Variants in XKR6 observed in about 807,000 individuals in gnomAD.
XKR6 encodes the protein XK-related protein 6.
Under a neutral mutation model 56.7 loss-of-function variants are expected in XKR6, and 22 were observed. That is an observed-to-expected ratio of 0.39 (90% CI 0.28 to 0.55). The LOEUF (loss-of-function observed/expected upper bound fraction) is 0.55. XKR6 is among the 20% of genes least tolerant of loss of function. The pLI is 0.66. For missense variants in XKR6, 852 were observed against 889.0 expected (o/e 0.96, Z 0.53); for synonymous variants, 524 against 387.8 (o/e 1.35, Z -4.13).
rs796105820 is a variant in XKR6 at position 11,108,306 on chromosome 8, T to C, written c.764+92270A>G. On this transcript the variant is annotated intron_variant, in intron 1 of 2. Transcript: ENST00000416569. ...ATTTTCCTGAAAATCTGCTGCAGATTTAAGTGTTATGAAACAACAGAATCC... is the reference window on the plus strand; with the variant it reads ...ATTTTCCTGAAAATCTGCTGCAGATCTAAGTGTTATGAAACAACAGAATCC... 3.9e-5 allele frequency: 18 copies of C among 456,216 alleles called. 2 individuals carry two copies. Among genetic ancestry groups the C allele is most frequent in the African/African-American group, 3.6e-4 (18 of 50,184 alleles). 28.3% of individuals were successfully genotyped at this position (456,216 alleles called of 1,614,324 possible).
At chr8:10,969,799 G>A (rs1226631774) in intron 1 of XKR6, among the ~76,000 whole-genome samples, 3 of 152,246 alleles carry the variant, frequency 2.0e-5, no homozygotes, top group Admixed American at 6.5e-5. Flanking sequence ...GGAAGAAGCT[G>A]ATGTCCCAAG....
intron 1 of XKR6, among the ~76,000 whole-genome samples, chr8:11,027,493 C>T (rs1420704928): frequency 6.6e-6 from 1 of 152,224 alleles, no homozygotes; most frequent in Non-Finnish European, 1.5e-5. Flanking sequence ...TTCGTTTCGT[C>T]ATTTAATTCT....
intron 2 of XKR6, among the ~76,000 whole-genome samples, chr8:10,920,614 T>C (rs1173329972): frequency 6.6e-6 from 1 of 152,246 alleles, no homozygotes; most frequent in Non-Finnish European, 1.5e-5. Context: ...GTACATTTCC[T>C]GCAGCTTAAA....
At chr8:11,188,282 T>C (rs925396581) in intron 1 of XKR6, among the ~76,000 whole-genome samples, 1 of 152,172 alleles carries the variant, frequency 6.6e-6, no homozygotes, top group Non-Finnish European at 1.5e-5. Flanking sequence ...TTTCCCACAT[T>C]ACAGCTCAGA....
At chr8:10,985,801 G>C (rs1347863696) in intron 1 of XKR6, among the ~76,000 whole-genome samples, 1 of 152,134 alleles carries the variant, frequency 6.6e-6, no homozygotes, top group Admixed American at 6.6e-5. Flanking sequence ...ACATGGGGTT[G>C]TGTCATGTTG....
intron 1 of XKR6, among the ~76,000 whole-genome samples, chr8:10,948,411 C>G (rs533522758): frequency 9.2e-5 from 14 of 152,290 alleles, no homozygotes; most frequent in African/African-American, 3.4e-4. Context: ...GCTGAGAAGG[C>G]TGCTATGTTC....
At chr8:11,044,898 G>A (rs147840777) in intron 1 of XKR6, among the ~76,000 whole-genome samples, 8 of 151,994 alleles carry the variant, frequency 5.3e-5, no homozygotes, top group African/African-American at 1.9e-4. Context: ...GATTACAGGC[G>A]TGAGCCACTG....
intron 1 of XKR6, among the ~76,000 whole-genome samples, chr8:11,036,539 TG>T (rs1442736323): frequency 6.6e-6 from 1 of 152,188 alleles, no homozygotes; most frequent in Non-Finnish European, 1.5e-5. Flanking sequence ...CATCTCTGGG[TG>T]GGGTCCAGGA....
intron 1 of XKR6, among the ~76,000 whole-genome samples, chr8:11,036,908 C>A (rs1799159454): frequency 1.3e-5 from 2 of 152,352 alleles, no homozygotes; most frequent in Middle Eastern, 6.8e-3. Context: ...CTAGGCAGTG[C>A]ACACTGGCTT....
chr8:10,949,804 G>A (rs1226506636), intron 1 of XKR6, among the ~76,000 whole-genome samples: 1 of 152,168 alleles, frequency 6.6e-6, no homozygotes, highest in East Asian at 1.9e-4. Flanking sequence ...TTGGGTGGGG[G>A]AGGGTACGAG....
intron 1 of XKR6, among the ~76,000 whole-genome samples, chr8:11,125,583 G>A (rs983442609): frequency 6.6e-6 from 1 of 152,142 alleles, no homozygotes; most frequent in South Asian, 2.1e-4. Context: ...ATGGCTTCCT[G>A]AGACCTATAC....
At chr8:11,009,425 C>T (rs577990819) in intron 1 of XKR6, among the ~76,000 whole-genome samples, 2 of 152,206 alleles carry the variant, frequency 1.3e-5, no homozygotes, top group African/African-American at 4.8e-5. Context: ...GTGGCAGGAT[C>T]ACCTGAGCCT....
chr8:11,093,429 T>C (rs1798150461), intron 1 of XKR6, among the ~76,000 whole-genome samples: 1 of 152,218 alleles, frequency 6.6e-6, no homozygotes, highest in South Asian at 2.1e-4. Flanking sequence ...AAGATGGCTA[T>C]GCAAGAAAAA....
rs1255012306 is a variant in XKR6, at chr8:11,016,818, G to T, written c.765-91988C>A. Among the ~76,000 whole-genome samples, 9 of 152,188 alleles carry T rather than the reference G, an allele frequency of 5.9e-5. No homozygotes were observed. The East Asian group carries it at 1.7e-3, about 29-fold the overall frequency. ...CACTCTTCTCTCTCGGGCCAGCCGAGCCCAAAAGGCCTCTCCTCTTCTGTT... is the reference window on the plus strand; with the variant it reads ...CACTCTTCTCTCTCGGGCCAGCCGATCCCAAAAGGCCTCTCCTCTTCTGTT... On this transcript the variant is annotated intron_variant, in intron 1 of 2. Transcript: ENST00000416569.
chr8:11,028,503 T>C (rs528207530), intron 1 of XKR6, among the ~76,000 whole-genome samples: 1 of 152,320 alleles, frequency 6.6e-6, no homozygotes, highest in Non-Finnish European at 1.5e-5. Context: ...CTATGTTTAG[T>C]TTTGTACAAA....
At chr8:10,990,919 T>TTTTC (rs869151206) in intron 1 of XKR6, among the ~76,000 whole-genome samples, 47 of 143,596 alleles carry the variant, frequency 3.3e-4, no homozygotes, top group African/African-American at 1.2e-3. Context: ...TTTTTTTTTT[T>TTTTC]CGAGACAGAG....
chr8:11,110,730 C>A (rs1309370273), intron 1 of XKR6, among the ~76,000 whole-genome samples: 1 of 152,192 alleles, frequency 6.6e-6, no homozygotes, highest in East Asian at 1.9e-4. Flanking sequence ...ACTTTCCTAT[C>A]AAATACAAAT....
At chr8:11,143,179 T>TAAA (rs947752623) in intron 1 of XKR6, among the ~76,000 whole-genome samples, 3 of 151,452 alleles carry the variant, frequency 2.0e-5, no homozygotes, top group Non-Finnish European at 4.4e-5. Context: ...ATAGCTAACA[T>TAAA]AAAAAAAAGA....
At chr8:11,124,096 A>G (rs1799627025) in intron 1 of XKR6, 1 of 432,480 alleles carries the variant, frequency 2.3e-6, no homozygotes, top group African/African-American at 2.0e-5. Flanking sequence ...CTAACATACT[A>G]TATTTTTACT....
Sources: allele counts gnomAD v4.1 joint callset (sites outside exome capture counted in the v4.1 genomes callset), GRCh38; gene constraint gnomAD v4.1.1; transcripts MANE v1.5; gene names NCBI Gene and HGNC (gene_info 2026-07-23, HGNC 2026-07-21).